Variants in TAS2R1 observed in about 807,000 individuals in gnomAD.
TAS2R1 encodes the protein taste 2 receptor member 1.
For synonymous variants in TAS2R1, 141 were observed against 134.2 expected, an observed-to-expected ratio of 1.05 and a Z score of -0.35; for missense variants, 370 against 353.4, an observed-to-expected ratio of 1.05 and a Z score of -0.38.
chr5:9,667,964 A>T (rs1273703886), intron 1 of TAS2R1, among the ~76,000 whole-genome samples: 1 of 152,222 alleles, frequency 6.6e-6, no homozygotes, highest in African/African-American at 2.4e-5. Context: ...ATGGATAAGA[A>T]CAAAGATCAT....
the TAS2R1 span, among the ~76,000 whole-genome samples, chr5:9,805,828 A>G: frequency 1.3e-4 from 20 of 152,230 alleles, no homozygotes; most frequent in African/African-American, 4.3e-4. Context: ...TCCCACTGAG[A>G]ACTAGAACAA....
At chr5:9,863,164 T>G in the TAS2R1 span, 9 of 152,122 alleles carry the variant, frequency 5.9e-5, no homozygotes, top group Non-Finnish European at 1.3e-4. Flanking sequence ...AACTAAACAC[T>G]TCCCTCTACC....
the TAS2R1 span, among the ~76,000 whole-genome samples, chr5:9,858,014 G>A: frequency 3.9e-5 from 6 of 152,278 alleles, no homozygotes; most frequent in Admixed American, 2.0e-4. Context: ...ATGAAGTCTG[G>A]GGCTGTAGGG....
At chr5:9,900,866 G>A in the TAS2R1 span, among the ~76,000 whole-genome samples, 42 of 152,078 alleles carry the variant, frequency 2.8e-4, no homozygotes, top group Admixed American at 1.1e-3. Flanking sequence ...CTCGTGATCC[G>A]CCCGCCTCGG....
chr5:9,730,692 G>C, the TAS2R1 span, among the ~76,000 whole-genome samples: 79 of 152,242 alleles, frequency 5.2e-4, no homozygotes, highest in Admixed American at 3.7e-3. Context: ...AGGGCATGAA[G>C]AGTGGCATGA....
chr5:9,711,838 AT>A (rs34825763), intron 1 of TAS2R1, among the ~76,000 whole-genome samples: 46,149 of 150,854 alleles, frequency 0.31, 7,173 homozygotes, highest in Admixed American at 0.35. Context: ...AATTTTTTGT[AT>A]TTTTTTAGTA....
chr5:9,645,135 C>T lies in TAS2R1; in HGVS notation c.-81+14286G>A, dbSNP rs556941930. On this transcript the variant is annotated intron_variant, in intron 2 of 2. Transcript: ENST00000506620. ...GAATTCACAGTGAGAAATTCTGGTG[C>T]CAGAGGCATTTGGGAAGAGGCAGAA... is the stretch of plus-strand genomic sequence containing the variant. Among the ~76,000 whole-genome samples the T allele has an allele frequency of 1.3e-4, 20 of 152,236 alleles. No individual in the cohort carries two copies. The East Asian group carries it at 3.7e-3, about 28-fold the overall frequency.
the TAS2R1 span, among the ~76,000 whole-genome samples, chr5:9,861,557 T>C: frequency 6.6e-6 from 1 of 152,166 alleles, no homozygotes; most frequent in Non-Finnish European, 1.5e-5. Flanking sequence ...TTTCAGAGTC[T>C]TGTCTATGGT....
the TAS2R1 span, among the ~76,000 whole-genome samples, chr5:9,748,632 T>C: frequency 7.3e-6 from 1 of 136,546 alleles, no homozygotes; most frequent in African/African-American, 3.5e-5. Flanking sequence ...GGGAGGGAGA[T>C]AGTAGGCTTT....
the TAS2R1 span, among the ~76,000 whole-genome samples, chr5:9,809,507 A>C: frequency 1.3e-5 from 2 of 152,110 alleles, no homozygotes; most frequent in Non-Finnish European, 2.9e-5. Flanking sequence ...CACAGCAAGA[A>C]GTTATTCATC....
chr5:9,842,111 T>C, the TAS2R1 span, among the ~76,000 whole-genome samples: 9,089 of 152,232 alleles, frequency 0.06, 644 homozygotes, highest in East Asian at 0.23. Flanking sequence ...TTTTAATGTA[T>C]GTGTGTAAAA....
the TAS2R1 span, among the ~76,000 whole-genome samples, chr5:9,736,949 T>C: frequency 1.3e-5 from 2 of 152,180 alleles, no homozygotes; most frequent in Non-Finnish European, 2.9e-5. Context: ...AAGTTCTCCC[T>C]ACCCTTATTC....
the TAS2R1 span, among the ~76,000 whole-genome samples, chr5:9,832,917 G>T: frequency 5.6e-4 from 85 of 152,244 alleles, no homozygotes; most frequent in Non-Finnish European, 1.1e-3. Flanking sequence ...AGGTGGTCAG[G>T]GTACAGCTTG....
At chr5:9,712,506 G>A (rs1050451358), upstream of TAS2R1, 10 of 152,194 alleles carry the variant, frequency 6.6e-5, no homozygotes, top group East Asian at 1.9e-4. Context: ...TCTTAAGAGC[G>A]AAGATTGAGG....
the TAS2R1 span, among the ~76,000 whole-genome samples, chr5:9,754,476 C>G: frequency 6.6e-6 from 1 of 152,136 alleles, no homozygotes; most frequent in Non-Finnish European, 1.5e-5. Context: ...TGTTTGCAGA[C>G]GACATGATTG....
the TAS2R1 span, among the ~76,000 whole-genome samples, chr5:9,892,998 C>G: frequency 6.6e-5 from 10 of 152,144 alleles, no homozygotes; most frequent in African/African-American, 2.2e-4. Flanking sequence ...CAAAAGAACC[C>G]CTGGAAGCTT....
At chr5:9,688,814 A>G (rs1459743566) in intron 1 of TAS2R1, among the ~76,000 whole-genome samples, 1 of 151,996 alleles carries the variant, frequency 6.6e-6, no homozygotes, top group African/African-American at 2.4e-5. Context: ...AAGCCCACAC[A>G]CATGCTTTGT....
At chr5:9,698,598 TAA>T (rs1741412202) in intron 1 of TAS2R1, among the ~76,000 whole-genome samples, 1 of 152,100 alleles carries the variant, frequency 6.6e-6, no homozygotes, top group African/African-American at 2.4e-5. Context: ...CAGGAAAACC[TAA>T]AAGAGGGGAA....
At chr5:9,638,044 G>A (rs1297560668) in intron 2 of TAS2R1, among the ~76,000 whole-genome samples, 1 of 152,138 alleles carries the variant, frequency 6.6e-6, no homozygotes, top group African/African-American at 2.4e-5. Flanking sequence ...TCCTTATTTG[G>A]GTAGACTATT....
Sources: gnomAD v4.1 joint callset for allele counts (sites outside exome capture counted in the v4.1 genomes callset) on GRCh38, gnomAD v4.1.1 for gene constraint, MANE v1.5 for transcripts, NCBI Gene and HGNC (gene_info 2026-07-23, HGNC 2026-07-21) for gene names.